RNF2: variants seen among roughly 807,000 people sequenced by gnomAD.
RNF2 encodes the protein E3 ubiquitin-protein ligase RING2.
A neutral mutation model predicts 37.2 loss-of-function variants in RNF2; 6 were observed. That is an observed-to-expected ratio of 0.16 (90% CI 0.09 to 0.32). The LOEUF (loss-of-function observed/expected upper bound fraction) is 0.32. RNF2 is among the 10% of genes least tolerant of loss of function. The probability of loss-of-function intolerance (pLI) is 1.00; values close to 1 mark genes in which losing one functional copy is unlikely to be tolerated. For missense variants in RNF2, 251 were observed against 404.0 expected, an observed-to-expected ratio of 0.62 and a Z score of 3.25; for synonymous variants, 133 against 132.7, an observed-to-expected ratio of 1.00 and a Z score of -0.02.
intron 2 of RNF2, among the ~76,000 whole-genome samples, chr1:185,090,514 TAACA>T (rs1013967951): frequency 3.3e-5 from 5 of 152,344 alleles, no homozygotes; most frequent in African/African-American, 7.2e-5. Flanking sequence ...GGCTGAAATC[TAACA>T]AACATTTTAT....
Position 185,093,151 on chromosome 1 carries a change from T to A in RNF2, c.339T>A (p.Ile113=). The A allele has an allele frequency of 6.2e-7, 1 of 1,613,996 alleles. No individual in the cohort carries two copies. The highest frequency in any genetic ancestry group is 8.5e-7 in the Non-Finnish European group (1 of 1,179,932). Residue 113 remains isoleucine, a synonymous_variant, in exon 4 of 7, where the codon ATT becomes ATA. Coordinates refer to ENST00000367510, the MANE Select transcript of RNF2 (RefSeq NM_007212.4). ...DPNFDALISK[I]YPSRDEYEAH... is the part of the protein sequence containing the mutation. Reference sequence around the variant, plus strand: ...ACTTTGATGCACTCATCAGCAAAATTTATCCAAGTCGTGATGAGTATGAAG... The same window carrying A: ...ACTTTGATGCACTCATCAGCAAAATATATCCAAGTCGTGATGAGTATGAAG...
intron 1 of RNF2, among the ~76,000 whole-genome samples, chr1:185,081,395 ATTTT>A (rs11334881): frequency 6.9e-6 from 1 of 145,236 alleles, no homozygotes; most frequent in Non-Finnish European, 1.5e-5. Flanking sequence ...AATTCCATCA[ATTTT>A]TTTTTTTTTT....
At position 185,048,296 on chromosome 1, in the gene RNF2, T is replaced by C. The variant is rs943627552; in HGVS notation, c.-3+2647T>C. 3.9e-5 allele frequency among the ~76,000 whole-genome samples: 6 copies of C among 152,184 alleles called. No homozygotes were observed. The East Asian group carries it at 5.8e-4, about 15-fold the overall frequency. On this transcript the variant is annotated intron_variant, in intron 1 of 6. Transcript: ENST00000367510. ...GTTGTGTGGAGCAACTCCGGTAGAA[T>C]TGGCCATGTTCTTAATTCTCCTTTG... is the stretch of plus-strand genomic sequence containing the variant.
chr1:185,082,315 G>A (rs1421300234), intron 1 of RNF2, among the ~76,000 whole-genome samples: 4 of 140,248 alleles, frequency 2.9e-5, no homozygotes, highest in Admixed American at 7.5e-5. Flanking sequence ...TATGCTCCGC[G>A]TCTTCAAGGT....
chr1:185,099,343 C>T (rs1402016653), intron 5 of RNF2, among the ~76,000 whole-genome samples: 7 of 152,304 alleles, frequency 4.6e-5, no homozygotes, highest in Non-Finnish European at 8.8e-5. Flanking sequence ...CCACCACACC[C>T]GGCCCAAATG....
chr1:185,075,823 TTGGG>T (rs1651132832), intron 1 of RNF2, among the ~76,000 whole-genome samples: 3 of 152,236 alleles, frequency 2.0e-5, no homozygotes, highest in African/African-American at 7.2e-5. Context: ...CACATGAGAT[TTGGG>T]CGAAGCCACA....
intron 1 of RNF2, among the ~76,000 whole-genome samples, chr1:185,072,887 C>T (rs1307112444): frequency 6.6e-6 from 1 of 152,108 alleles, no homozygotes; most frequent in East Asian, 1.9e-4. Context: ...TTGCAGTGAG[C>T]CGAGATTGTG....
chr1:185,048,580 T>C (rs930886861), intron 1 of RNF2, among the ~76,000 whole-genome samples: 1 of 152,248 alleles, frequency 6.6e-6, no homozygotes, highest in Non-Finnish European at 1.5e-5. Context: ...AATGAGAGCA[T>C]ACTATTAAGT....
Position 185,093,296 on chromosome 1 carries a change from A to G in RNF2, c.464+20A>G. On this transcript the variant is annotated intron_variant, in intron 4 of 6. Transcript: ENST00000367510. ...GAACAGGTATATGGGAAAGAGGGTC[A>G]GAGAGGGTAGCTGTTTTTCTGAATA... 6.2e-7 allele frequency: 1 copy of G among 1,603,524 alleles called. No individual in the cohort carries two copies. Among genetic ancestry groups the G allele is most frequent in the Non-Finnish European group, 8.5e-7 (1 of 1,171,366 alleles).
chr1:185,074,020 A>G (rs115938368), intron 1 of RNF2, among the ~76,000 whole-genome samples: 1 of 152,206 alleles, frequency 6.6e-6, no homozygotes, highest in Non-Finnish European at 1.5e-5. Context: ...GATTTCCGCA[A>G]TCCCCTTGTC....
At chr1:185,091,848 T>G (rs535148295) in intron 3 of RNF2, 109 bp downstream of exon 3, 1 of 1,123,622 alleles carries the variant, frequency 8.9e-7, no homozygotes, top group African/African-American at 1.6e-5. Context: ...AGAGTTTCGC[T>G]TTTCTTGCCC....
intron 2 of RNF2, among the ~76,000 whole-genome samples, chr1:185,089,723 A>G (rs1032462881): frequency 3.9e-5 from 6 of 152,070 alleles, no homozygotes; most frequent in African/African-American, 9.7e-5. Context: ...TGAGTTTTCA[A>G]TTGTGTTTAT....
At chr1:185,089,285 A>G (rs1240410928) in intron 2 of RNF2, among the ~76,000 whole-genome samples, 1 of 152,200 alleles carries the variant, frequency 6.6e-6, no homozygotes, top group African/African-American at 2.4e-5. Flanking sequence ...GGTTCCTAAC[A>G]AGCCAATACC....
chr1:185,071,139 G>C (rs1291690636), intron 1 of RNF2, among the ~76,000 whole-genome samples: 1 of 152,156 alleles, frequency 6.6e-6, no homozygotes, highest in African/African-American at 2.4e-5. Context: ...GCTCTGGTTA[G>C]CCTCAGTAAA....
intron 1 of RNF2, among the ~76,000 whole-genome samples, chr1:185,082,093 G>A (rs1651429251): frequency 6.6e-6 from 1 of 152,096 alleles, no homozygotes; most frequent in African/African-American, 2.4e-5. Context: ...AATAAGAGAA[G>A]ACAACACTTA....
chr1:185,093,472 C>T (rs1651826659), intron 4 of RNF2, among the ~76,000 whole-genome samples, 196 bp downstream of exon 4: 1 of 152,132 alleles, frequency 6.6e-6, no homozygotes, highest in Non-Finnish European at 1.5e-5. Context: ...GTTTTACTTA[C>T]TTTTTTCTCA....
At chr1:185,049,718 T>A (rs140487988) in intron 1 of RNF2, among the ~76,000 whole-genome samples, 118 of 151,604 alleles carry the variant, frequency 7.8e-4, no homozygotes, top group African/African-American at 2.8e-3. Context: ...AATCAGAACC[T>A]AAGAGCTCAG....
chr1:185,085,336 G>A (rs1256344210), intron 1 of RNF2, among the ~76,000 whole-genome samples: 1 of 151,596 alleles, frequency 6.6e-6, no homozygotes, highest in East Asian at 1.9e-4. Flanking sequence ...TTTTAGTAGA[G>A]ACGGGGTTTC....
Position 185,102,075 on chromosome 1 carries a change from T to G in RNF2, c.*1774T>G, listed in dbSNP as rs1652094420. On this transcript the variant is annotated 3_prime_UTR_variant, in exon 7 of 7. Coordinates refer to ENST00000367510, the MANE Select transcript of RNF2 (RefSeq NM_007212.4). ...CCCATTGTGATTAATTGAAATTTTG[T>G]CTTTAAGCAGAGAGTTATTTGTGAC... The G allele has an allele frequency of 6.6e-6, 1 of 152,608 alleles. No individual in the cohort carries two copies. The highest frequency in any genetic ancestry group is 6.5e-5 in the Admixed American group (1 of 15,280). 9.5% of individuals were successfully genotyped at this position (152,608 alleles called of 1,614,324 possible). A position where few individuals can be genotyped will look rare whatever the true frequency, so the allele number is the denominator to read the frequency against.
Sources: allele counts gnomAD v4.1 joint callset (sites outside exome capture counted in the v4.1 genomes callset), GRCh38; gene constraint gnomAD v4.1.1; transcripts MANE v1.5; gene names NCBI Gene and HGNC (gene_info 2026-07-23, HGNC 2026-07-21).